Variants in ZNF521 observed in about 807,000 individuals in gnomAD.
ZNF521 encodes zinc finger protein 521.
In ZNF521, 14 loss-of-function variants were observed where a neutral mutation model predicts 105.5. That is an observed-to-expected ratio of 0.13 (90% CI 0.09 to 0.21). ZNF521 has a LOEUF of 0.21. Among genes scored for constraint, ZNF521 ranks in the 10% least tolerant of loss-of-function variants. The pLI is 1.00. For synonymous variants in ZNF521, 635 were observed against 606.0 expected (o/e 1.05, Z -0.70); for missense variants, 1,233 against 1,629.7 (o/e 0.76, Z 4.19).
At chr18:25,330,649 T>C (rs1292191675) in intron 2 of ZNF521, among the ~76,000 whole-genome samples, 7 of 152,226 alleles carry the variant, frequency 4.6e-5, no homozygotes, top group African/African-American at 1.7e-4. Flanking sequence ...AATATCTCTT[T>C]CTTATTTCTT....
intron 5 of ZNF521, among the ~76,000 whole-genome samples, chr18:25,120,322 C>T (rs1211209218): frequency 6.6e-6 from 1 of 152,164 alleles, no homozygotes; most frequent in African/African-American, 2.4e-5. Context: ...GTGGCTCACA[C>T]CTGTAATCCC....
At chr18:25,330,391 CTT>C (rs1290005622) in intron 2 of ZNF521, among the ~76,000 whole-genome samples, 1 of 152,074 alleles carries the variant, frequency 6.6e-6, no homozygotes, top group Non-Finnish European at 1.5e-5. Flanking sequence ...GTCTCGATCT[CTT>C]GACCTCATGA....
At chr18:25,284,804 A>G (rs1255389895) in intron 3 of ZNF521, among the ~76,000 whole-genome samples, 1 of 152,190 alleles carries the variant, frequency 6.6e-6, no homozygotes, top group African/African-American at 2.4e-5. Context: ...GAAGGAAACA[A>G]GATGAAACTG....
intron 7 of ZNF521, among the ~76,000 whole-genome samples, chr18:25,064,932 T>C (rs2033014087): frequency 6.6e-6 from 1 of 152,230 alleles, no homozygotes; most frequent in Admixed American, 6.5e-5. Context: ...ATTGTTTTTA[T>C]GCCAGCTCTT....
chr18:25,153,526 C>T, intron 5 of ZNF521, among the ~76,000 whole-genome samples: 1 of 152,166 alleles, frequency 6.6e-6, no homozygotes. Flanking sequence ...CTGAAACGGC[C>T]TGTCTACTTC....
At chr18:25,187,408 C>T (rs929109056) in intron 5 of ZNF521, among the ~76,000 whole-genome samples, 12 of 151,658 alleles carry the variant, frequency 7.9e-5, no homozygotes, top group African/African-American at 2.9e-4. Flanking sequence ...AGTAAGAAAA[C>T]GCTTGTTACC....
chr18:25,149,784 G>A (rs1448082255), intron 5 of ZNF521, among the ~76,000 whole-genome samples: 2 of 152,146 alleles, frequency 1.3e-5, no homozygotes, highest in African/African-American at 2.4e-5. Context: ...CATAATGGGT[G>A]CTCATAGAGT....
intron 7 of ZNF521, among the ~76,000 whole-genome samples, chr18:25,079,577 C>T (rs191014179): frequency 1.3e-5 from 2 of 149,804 alleles, no homozygotes; most frequent in Admixed American, 6.7e-5. Context: ...ACTATACTAA[C>T]ACCAAGAGAT....
intron 2 of ZNF521, among the ~76,000 whole-genome samples, chr18:25,331,541 TAGAA>T (rs920029592): frequency 3.3e-5 from 5 of 152,222 alleles, no homozygotes; most frequent in Non-Finnish European, 7.3e-5. Context: ...GTAGCACAGT[TAGAA>T]AGCATTAGTT....
At chr18:25,317,845 C>T (rs1359543427) in intron 3 of ZNF521, among the ~76,000 whole-genome samples, 14 of 152,100 alleles carry the variant, frequency 9.2e-5, no homozygotes, top group Admixed American at 3.9e-4. Flanking sequence ...TTAGCAAGTA[C>T]GTACGACAAC....
intron 3 of ZNF521, chr18:25,302,841 T>C (rs1484571095): frequency 1.3e-5 from 2 of 152,224 alleles, no homozygotes; most frequent in Non-Finnish European, 2.9e-5. Flanking sequence ...ATATTGGGAA[T>C]TTAAAAGCTC....
At chr18:25,317,326 A>C (rs993080429) in intron 3 of ZNF521, among the ~76,000 whole-genome samples, 14 of 152,220 alleles carry the variant, frequency 9.2e-5, no homozygotes, top group African/African-American at 2.7e-4. Context: ...CTTCCTGCAC[A>C]GGTATTATTA....
chr18:25,090,111 C>T (rs2033711645), intron 6 of ZNF521, among the ~76,000 whole-genome samples: 1 of 152,182 alleles, frequency 6.6e-6, no homozygotes, highest in African/African-American at 2.4e-5. Context: ...TCAGCCTACA[C>T]ACTGAATGCA....
chr18:25,202,154 A>C (rs1249897377), intron 4 of ZNF521: 1 of 152,248 alleles, frequency 6.6e-6, no homozygotes, highest in Non-Finnish European at 1.5e-5. Context: ...CCACTAATTT[A>C]AATTTCATGA....
At chr18:25,114,627 A>G (rs1047594528) in intron 5 of ZNF521, among the ~76,000 whole-genome samples, 6 of 152,182 alleles carry the variant, frequency 3.9e-5, no homozygotes, top group Admixed American at 1.3e-4. Flanking sequence ...TAAATCAATA[A>G]ATTTCCAAAA....
At chr18:25,212,528 A>AAAAAAAAG (rs1568012174) in intron 4 of ZNF521, among the ~76,000 whole-genome samples, 62 of 111,112 alleles carry the variant, frequency 5.6e-4, no homozygotes, top group African/African-American at 2.6e-3. Flanking sequence ...AAAAAAAAAA[A>AAAAAAAAG]AAAAAAAAAA....
At chr18:25,124,300 C>A (rs1215421446) in intron 5 of ZNF521, among the ~76,000 whole-genome samples, 1 of 151,964 alleles carries the variant, frequency 6.6e-6, no homozygotes, top group African/African-American at 2.4e-5. Context: ...AAGTAACTAC[C>A]CTAATTTTGT....
chr18:25,224,804 A>G lies in ZNF521; in HGVS notation c.3114T>C (p.His1038=), dbSNP rs200365819. The G allele has an allele frequency of 2.9e-5, 47 of 1,614,054 alleles. No homozygotes were observed. The East Asian group carries it at 1.0e-3, about 35-fold the overall frequency. Residue 1038 remains histidine (H), a synonymous_variant, in exon 4 of 8, where the codon CAT becomes CAC. Coordinates refer to ENST00000361524, the MANE Select transcript of ZNF521 (RefSeq NM_015461.3). ...CTGTCTTTTGCATGTGGAACGTCCCATGGATTTTGAGTTCCAAGGTGGAGG... is the reference window on the plus strand; with the variant it reads ...CTGTCTTTTGCATGTGGAACGTCCCGTGGATTTTGAGTTCCAAGGTGGAGG... ...TVTSTLELKI[H]GTFHMQKTGN...
At chr18:25,327,489 T>C (rs2145163393) in intron 2 of ZNF521, 1 of 1,068,714 alleles carries the variant, frequency 9.4e-7, no homozygotes, top group Non-Finnish European at 1.2e-6. Context: ...AAATAAACCA[T>C]ATCTGAAAGC....
Sources: gnomAD v4.1 joint callset for allele counts (sites outside exome capture counted in the v4.1 genomes callset) on GRCh38, gnomAD v4.1.1 for gene constraint, MANE v1.5 for transcripts, NCBI Gene and HGNC (gene_info 2026-07-23, HGNC 2026-07-21) for gene names.